Variants in TTC34 observed in about 807,000 individuals in gnomAD.
TTC34 encodes the protein tetratricopeptide repeat protein 34.
In TTC34, 44 loss-of-function variants were observed where a neutral mutation model predicts 40.7. That is an observed-to-expected ratio of 1.08 (90% CI 0.85 to 1.39). The LOEUF (loss-of-function observed/expected upper bound fraction) is 1.39. Ranked by LOEUF, TTC34 falls within the 40% of genes most tolerant of loss-of-function variation. TTC34 has a pLI of 0.00. For missense variants in TTC34, 884 were observed against 838.0 expected, an observed-to-expected ratio of 1.05 and a Z score of -0.68; for synonymous variants, 422 against 398.6, an observed-to-expected ratio of 1.06 and a Z score of -0.70.
At chr1:2,775,794 C>T (rs1357062372) in intron 6 of TTC34, among the ~76,000 whole-genome samples, 3 of 146,634 alleles carry the variant, frequency 2.0e-5, no homozygotes, top group East Asian at 3.9e-4. Flanking sequence ...CTCGAATCTT[C>T]AGGTGAGCAT....
At chr1:2,755,577 C>G in intron 6 of TTC34, among the ~76,000 whole-genome samples, 1 of 117,514 alleles carries the variant, frequency 8.5e-6, no homozygotes, top group East Asian at 2.9e-4. Flanking sequence ...GGAGCAGCAC[C>G]CACACCTCCC....
chr1:2,651,736 A>T (rs1639140174), intron 6 of TTC34, among the ~76,000 whole-genome samples: 1 of 151,588 alleles, frequency 6.6e-6, no homozygotes, highest in African/African-American at 2.4e-5. Context: ...TCAGGTGATT[A>T]TCTGACAACC....
At chr1:2,773,139 C>T (rs1405528383) in intron 6 of TTC34, among the ~76,000 whole-genome samples, 1 of 114,058 alleles carries the variant, frequency 8.8e-6, no homozygotes, top group East Asian at 2.8e-4. Context: ...CACACACAAC[C>T]CCAGGCGAGC....
rs1284001637 is a variant in TTC34, at chr1:2,775,936, G to A, written c.2226+7673C>T. 5.0e-5 allele frequency: 5 copies of A among 100,534 alleles called. 2 individuals carry two copies. Among genetic ancestry groups the A allele is most frequent in the Non-Finnish European group, 9.3e-5 (5 of 53,732 alleles). 6.2% of individuals were successfully genotyped at this position (100,534 alleles called of 1,614,324 possible). ...TTGTAGGTTTTTGGATGTTCACATG[G>A]GGGTTAAGGGTGGTGTTCCGGGTTA... On this transcript the variant is annotated intron_variant, in intron 6 of 8. Transcript: ENST00000401095.
At chr1:2,778,558 C>A (rs1029031089) in intron 6 of TTC34, among the ~76,000 whole-genome samples, 1 of 152,148 alleles carries the variant, frequency 6.6e-6, no homozygotes, top group Non-Finnish European at 1.5e-5. Flanking sequence ...CTGGAGGAAC[C>A]ACTGTTCAGC....
At chr1:2,787,619 G>T in exon 4 of TTC34, 1 of 1,549,982 alleles carries the variant, frequency 6.5e-7, no homozygotes, top group Non-Finnish European at 8.7e-7. Flanking sequence ...GGCGGTACAG[G>T]GCATCAGCCG....
At chr1:2,685,231 A>G (rs1354063798) in intron 6 of TTC34, among the ~76,000 whole-genome samples, 4 of 47,966 alleles carry the variant, frequency 8.3e-5, no homozygotes, top group Admixed American at 2.6e-4. Flanking sequence ...GTGGAGCAGC[A>G]CCCACACCCC....
intron 6 of TTC34, among the ~76,000 whole-genome samples, chr1:2,696,406 G>C (rs372565026): frequency 0.024 from 163 of 6,724 alleles, no homozygotes; most frequent in Non-Finnish European, 0.031. Context: ...CACCCCCAGG[G>C]GAGCATCCGA....
intron 6 of TTC34, among the ~76,000 whole-genome samples, chr1:2,657,319 C>G (rs1315620375): frequency 3.4e-5 from 4 of 118,686 alleles, no homozygotes; most frequent in African/African-American, 2.8e-5. Flanking sequence ...GAGCATCTGA[C>G]AGCATGGAGC....
At chr1:2,684,009 C>T (rs1412562858) in intron 6 of TTC34, among the ~76,000 whole-genome samples, 1 of 147,988 alleles carries the variant, frequency 6.8e-6, no homozygotes, top group Non-Finnish European at 1.5e-5. Flanking sequence ...AGGTGAGCAT[C>T]TGACAGCCTG....
At chr1:2,656,471 G>A (rs1301257923) in intron 6 of TTC34, among the ~76,000 whole-genome samples, 16 of 4,624 alleles carry the variant, frequency 3.5e-3, no homozygotes, top group Admixed American at 6.6e-3. Context: ...AGGTGCGCAC[G>A]TGACAGCCTG....
At chr1:2,648,915 C>T (rs958903022) in intron 6 of TTC34, among the ~76,000 whole-genome samples, 1 of 151,294 alleles carries the variant, frequency 6.6e-6, no homozygotes, top group African/African-American at 2.4e-5. Context: ...AGGATGGCAC[C>T]CCACACACCT....
At position 2,683,622 on chromosome 1, in the gene TTC34, A is replaced by G. The variant is rs1252484334; in HGVS notation, c.2227-38059T>C. On this transcript the variant is annotated intron_variant, in intron 6 of 8. Transcript: ENST00000401095. The stretch of plus-strand genomic sequence containing the variant: ...AGGCGAGCATCTGACATCCTTCAGC[A>G]GCACCCACACCCCCAGGTGAGCATC... Among the ~76,000 whole-genome samples the G allele has an allele frequency of 1.4e-5, 2 of 144,912 alleles. 1 individual carries two copies. Among genetic ancestry groups the G allele is most frequent in the African/African-American group, 5.4e-5 (2 of 36,970 alleles).
chr1:2,694,195 GT>G (rs1557623771), intron 6 of TTC34, among the ~76,000 whole-genome samples: 16 of 141,460 alleles, frequency 1.1e-4, no homozygotes, highest in Admixed American at 2.1e-4. Context: ...ACACCCCCAG[GT>G]GAGCATGTGA....
chr1:2,789,333 C>A (rs1374378084), intron 3 of TTC34, among the ~76,000 whole-genome samples, 170 bp downstream of exon 3: 1 of 152,216 alleles, frequency 6.6e-6, no homozygotes, highest in Non-Finnish European at 1.5e-5. Context: ...TTCCGGACTG[C>A]GGCCCGGTCG....
chr1:2,700,203 C>T (rs1206592991), intron 6 of TTC34, among the ~76,000 whole-genome samples: 4 of 83,528 alleles, frequency 4.8e-5, no homozygotes, highest in East Asian at 4.1e-4. Context: ...CCTGGAGCAG[C>T]GCCGACCCCC....
intron 6 of TTC34, among the ~76,000 whole-genome samples, chr1:2,649,008 G>A (rs1300189468): frequency 6.7e-6 from 1 of 148,552 alleles, no homozygotes; most frequent in Non-Finnish European, 1.5e-5. Context: ...CCCACACCCA[G>A]TTGAGCATCT....
At chr1:2,791,855 A>G (rs1254674948) in intron 2 of TTC34, among the ~76,000 whole-genome samples, 1 of 151,602 alleles carries the variant, frequency 6.6e-6, no homozygotes, top group East Asian at 1.9e-4. Flanking sequence ...AGACTTTGAT[A>G]TTGTCCCCAG....
At chr1:2,686,191 G>T (rs1640335656) in intron 6 of TTC34, among the ~76,000 whole-genome samples, 1 of 135,242 alleles carries the variant, frequency 7.4e-6, no homozygotes, top group Admixed American at 7.3e-5. Context: ...GTCTGGAGCA[G>T]CGCCCACACC....
Sources: allele counts gnomAD v4.1 joint callset (sites outside exome capture counted in the v4.1 genomes callset), GRCh38; gene constraint gnomAD v4.1.1; transcripts MANE v1.5; gene names NCBI Gene and HGNC (gene_info 2026-07-23, HGNC 2026-07-21).